PKHD1: variants seen among roughly 807,000 people sequenced by gnomAD.
PKHD1 encodes PKHD1 ciliary IPT domain containing fibrocystin/polyductin.
In PKHD1, 291 loss-of-function variants were observed where a neutral mutation model predicts 412.0. The ratio of observed to expected loss-of-function variants is 0.71; its 90% confidence interval spans 0.64 to 0.78. The LOEUF (loss-of-function observed/expected upper bound fraction) is 0.78. Ranked by LOEUF, PKHD1 falls within the 30% of genes least tolerant of loss-of-function variation. The pLI is 0.00. For synonymous variants in PKHD1, 1,777 were observed against 1,821.5 expected (o/e 0.98, Z 0.62); for missense variants, 4,825 against 4,950.7 (o/e 0.97, Z 0.76).
intron 47 of PKHD1, 85 bp from the exon 48 acceptor site, chr6:51,868,194 T>C (rs1186926313): frequency 1.0e-5 from 12 of 1,205,942 alleles, no homozygotes; most frequent in African/African-American, 3.0e-5. Flanking sequence ...AGGATTTAAA[T>C]TGCATATTTA....
chr6:51,769,518 T>C (rs1305227620), intron 55 of PKHD1, among the ~76,000 whole-genome samples: 1 of 151,468 alleles, frequency 6.6e-6, no homozygotes, highest in Non-Finnish European at 1.5e-5. Context: ...ATTTTATATA[T>C]TGGGGTTTTC....
At chr6:51,845,816 A>AT (rs560320108) in intron 50 of PKHD1, among the ~76,000 whole-genome samples, 7 of 152,002 alleles carry the variant, frequency 4.6e-5, no homozygotes, top group Admixed American at 2.0e-4. Flanking sequence ...GCATGATTTA[A>AT]TTTTTTTTCT....
At position 51,927,087 on chromosome 6, in the gene PKHD1, T is replaced by C. The variant is rs76677351; in HGVS notation, c.6121+7023A>G. ...ATTTAAGAGTAGAAAAAGGAATAAA[T>C]ACTTTTTTAATTTTCCTCATCCTCC... On this transcript the variant is annotated intron_variant, in intron 37 of 66. Coordinates refer to ENST00000371117, the MANE Select transcript of PKHD1 (RefSeq NM_138694.4). Among the ~76,000 whole-genome samples, 37 of 152,276 alleles carry C rather than the reference T, an allele frequency of 2.4e-4. No homozygotes were observed. In the East Asian group the frequency reaches 7.1e-3, roughly 29 times the overall value.
At chr6:51,774,441 C>T (rs1790664028) in intron 54 of PKHD1, among the ~76,000 whole-genome samples, 1 of 151,824 alleles carries the variant, frequency 6.6e-6, no homozygotes. Context: ...AGTGTTATCA[C>T]GCTACAGAAA....
intron 55 of PKHD1, among the ~76,000 whole-genome samples, chr6:51,770,178 G>A (rs1015822098): frequency 3.2e-4 from 48 of 151,524 alleles, no homozygotes; most frequent in Non-Finnish European, 1.8e-4. Flanking sequence ...GTCTTAGATC[G>A]TGATTTTTGT....
chr6:52,031,905 G>C (rs539355654), intron 29 of PKHD1, among the ~76,000 whole-genome samples: 1 of 152,302 alleles, frequency 6.6e-6, no homozygotes, highest in South Asian at 2.1e-4. Context: ...TTGGTCAACT[G>C]TCAAGCTAAT....
intron 60 of PKHD1, among the ~76,000 whole-genome samples, chr6:51,738,285 C>T (rs1784114746): frequency 6.6e-6 from 1 of 152,114 alleles, no homozygotes; most frequent in East Asian, 1.9e-4. Context: ...CTTAAAATCT[C>T]CCAAAATATA....
intron 22 of PKHD1, 140 bp from the exon 23 acceptor site, chr6:52,048,759 A>G (rs1400795589): frequency 5.8e-6 from 5 of 860,840 alleles, no homozygotes; most frequent in South Asian, 1.4e-5. Flanking sequence ...TCAGTAAGGG[A>G]GTTTTCAGGA....
intron 60 of PKHD1, among the ~76,000 whole-genome samples, chr6:51,674,734 C>T (rs1562078021): frequency 6.6e-6 from 1 of 152,164 alleles, no homozygotes; most frequent in African/African-American, 2.4e-5. Context: ...GTTCTCTCTG[C>T]ACAATTTATT....
At chr6:51,836,556 G>T in intron 50 of PKHD1, 87 bp from the exon 51 acceptor site, 2 of 965,534 alleles carry the variant, frequency 2.1e-6, no homozygotes, top group Non-Finnish European at 3.4e-6. Context: ...AAGAATTTAT[G>T]CTAAATTCTA....
At chr6:51,766,828 C>T (rs141740663) in intron 55 of PKHD1, among the ~76,000 whole-genome samples, 6 of 152,062 alleles carry the variant, frequency 3.9e-5, no homozygotes, top group South Asian at 4.2e-4. Flanking sequence ...CATTTGTCAT[C>T]ACATTTTGTA....
At chr6:51,987,156 T>A (rs1204026343) in intron 35 of PKHD1, among the ~76,000 whole-genome samples, 1 of 152,110 alleles carries the variant, frequency 6.6e-6, no homozygotes, top group African/African-American at 2.4e-5. Flanking sequence ...CACAGCAGAA[T>A]CTCAGAGTCC....
chr6:52,057,528 T>A (rs1383629561), intron 16 of PKHD1, among the ~76,000 whole-genome samples: 1 of 152,282 alleles, frequency 6.6e-6, no homozygotes, highest in African/African-American at 2.4e-5. Context: ...GCAATTCTCC[T>A]GCCTCAGCCT....
At position 51,847,642 on chromosome 6, in the gene PKHD1, A is replaced by AT. The variant is rs1736232673; in HGVS notation, c.8107+132dup. Reference sequence around the variant, plus strand: ...CCCAGGCAATCAGACTTCAGGGAACATTCACTCAACCATAACACACAGCTG... The same window carrying AT: ...CCCAGGCAATCAGACTTCAGGGAACATTTCACTCAACCATAACACACAGCTG... On this transcript the variant is annotated intron_variant, in intron 50 of 66. Transcript: ENST00000371117. 27 of 746,116 alleles carry AT rather than the reference A, an allele frequency of 3.6e-5. No homozygotes were observed. In the South Asian group the frequency reaches 3.8e-4, roughly 11 times the overall value. The allele number at this position is 746,116 out of a possible 1,614,324, so 46.2% of individuals were successfully genotyped here. A position where few individuals can be genotyped will look rare whatever the true frequency, so the allele number is the denominator to read the frequency against.
At chr6:52,023,725 C>T (rs555748360) in intron 32 of PKHD1, among the ~76,000 whole-genome samples, 1 of 152,202 alleles carries the variant, frequency 6.6e-6, no homozygotes, top group African/African-American at 2.4e-5. Context: ...GTTTAAGATG[C>T]ATTTCTTATT....
intron 60 of PKHD1, among the ~76,000 whole-genome samples, chr6:51,718,943 T>C (rs1781581298): frequency 6.6e-6 from 1 of 152,190 alleles, no homozygotes; most frequent in African/African-American, 2.4e-5. Context: ...GGGTTATATA[T>C]TTTTGTACTT....
At chr6:51,853,821 T>TG (rs1772769974) in intron 49 of PKHD1, among the ~76,000 whole-genome samples, 1 of 151,732 alleles carries the variant, frequency 6.6e-6, no homozygotes. Flanking sequence ...TTCCTCTAAC[T>TG]TTTTATCAAG....
chr6:52,085,038 C>CAAAAAAAAA, intron 1 of PKHD1, 21 bp from the exon 2 acceptor site: 1 of 788,940 alleles, frequency 1.3e-6, no homozygotes, highest in Non-Finnish European at 2.2e-6. Flanking sequence ...ACAAAAAAAG[C>CAAAAAAAAA]AAAAAAAAAT....
intron 60 of PKHD1, among the ~76,000 whole-genome samples, chr6:51,704,341 T>A (rs1273578087): frequency 1.3e-5 from 2 of 152,006 alleles, no homozygotes; most frequent in East Asian, 3.9e-4. Flanking sequence ...ACAAAGCACA[T>A]CAAATGTTAT....
Sources: allele counts gnomAD v4.1 joint callset (sites outside exome capture counted in the v4.1 genomes callset), GRCh38; gene constraint gnomAD v4.1.1; transcripts MANE v1.5; gene names NCBI Gene and HGNC (gene_info 2026-07-23, HGNC 2026-07-21).